The following ADGRB3 variants were observed in gnomAD, a reference collection of about 807,000 sequenced individuals.
The protein encoded by ADGRB3 is adhesion G protein-coupled receptor B3, also known as brain-specific angiogenesis inhibitor 3.
ADGRB3 carries 37 observed loss-of-function variants against 193.4 expected under a neutral mutation model. That is an observed-to-expected ratio of 0.19 (90% CI 0.15 to 0.25). The LOEUF is 0.25. Ranked by LOEUF, ADGRB3 falls within the 10% of genes least tolerant of loss-of-function variation. The pLI is 1.00. For missense variants in ADGRB3, 1,637 were observed against 1,852.9 expected (o/e 0.88, Z 2.14); for synonymous variants, 690 against 644.2 (o/e 1.07, Z -1.08).
At chr6:68,988,540 A>T (rs1049766800) in intron 10 of ADGRB3, among the ~76,000 whole-genome samples, 14 of 152,140 alleles carry the variant, frequency 9.2e-5, no homozygotes, top group African/African-American at 3.4e-4. Context: ...TTCTGCATAA[A>T]CTATAGGAAG....
chr6:69,351,695 T>C (rs1769229851), intron 26 of ADGRB3, among the ~76,000 whole-genome samples: 1 of 152,352 alleles, frequency 6.6e-6, no homozygotes, highest in Non-Finnish European at 1.5e-5. Flanking sequence ...GTGAAAGGTA[T>C]TGATTTTATA....
At position 68,858,243 on chromosome 6, in the gene ADGRB3, G is replaced by A. The variant is rs546270100; in HGVS notation, c.758-72316G>A. 5.9e-5 allele frequency among the ~76,000 whole-genome samples: 9 copies of A among 152,220 alleles called. No individual in the cohort carries two copies. In the East Asian group the frequency reaches 1.2e-3, roughly 20 times the overall value. On this transcript the variant is annotated intron_variant, in intron 3 of 31. Transcript: ENST00000370598. ...AACCTGGCCAGGCACTGTGGCTCAC[G>A]CCTGTAATCCCAGCACTTTGGGAGG...
chr6:69,189,517 A>C (rs1032849244), intron 17 of ADGRB3, among the ~76,000 whole-genome samples: 1 of 152,200 alleles, frequency 6.6e-6, no homozygotes, highest in Non-Finnish European at 1.5e-5. Flanking sequence ...TGAAATTATT[A>C]ATGTGACTAT....
At chr6:68,922,513 A>G (rs2150242816) in intron 3 of ADGRB3, among the ~76,000 whole-genome samples, 1 of 152,364 alleles carries the variant, frequency 6.6e-6, no homozygotes, top group East Asian at 1.9e-4. Context: ...ATGTGCACAC[A>G]TTCGTGTACA....
chr6:68,705,767 A>C (rs1037973899), intron 3 of ADGRB3, among the ~76,000 whole-genome samples: 1 of 152,238 alleles, frequency 6.6e-6, no homozygotes, highest in Non-Finnish European at 1.5e-5. Flanking sequence ...CTACTGCAAT[A>C]GTGGAAAAGA....
At chr6:69,301,510 T>C (rs1369322906) in intron 20 of ADGRB3, among the ~76,000 whole-genome samples, 4 of 151,908 alleles carry the variant, frequency 2.6e-5, no homozygotes, top group Non-Finnish European at 5.9e-5. Flanking sequence ...AAAAAGTGAT[T>C]TCTTATGGTT....
At chr6:69,124,689 G>T (rs1483346730) in intron 17 of ADGRB3, among the ~76,000 whole-genome samples, 1 of 151,982 alleles carries the variant, frequency 6.6e-6, no homozygotes, top group African/African-American at 2.4e-5. Flanking sequence ...AATTTCCAAG[G>T]ATATTTTCTA....
chr6:69,233,459 G>T, intron 18 of ADGRB3, 43 bp downstream of exon 18: 1 of 1,611,040 alleles, frequency 6.2e-7, no homozygotes, highest in Non-Finnish European at 8.5e-7. Context: ...CAAAGACAGG[G>T]ATATTGTGGC....
intron 3 of ADGRB3, among the ~76,000 whole-genome samples, chr6:68,702,329 T>C (rs963563504): frequency 1.3e-5 from 2 of 152,168 alleles, no homozygotes; most frequent in Non-Finnish European, 2.9e-5. Flanking sequence ...AAACCATTCA[T>C]GAGAAATCTG....
chr6:68,834,675 T>C (rs1768013573), intron 3 of ADGRB3, among the ~76,000 whole-genome samples: 1 of 152,104 alleles, frequency 6.6e-6, no homozygotes, highest in Non-Finnish European at 1.5e-5. Context: ...TTGAGTTAGT[T>C]TTGCTGGGTT....
At chr6:68,684,679 T>C (rs1263438936) in intron 3 of ADGRB3, among the ~76,000 whole-genome samples, 4 of 152,104 alleles carry the variant, frequency 2.6e-5, no homozygotes, top group Admixed American at 2.6e-4. Flanking sequence ...CTAATGTTAA[T>C]GTAGGGAAAA....
intron 3 of ADGRB3, among the ~76,000 whole-genome samples, chr6:68,924,139 A>T (rs1767117771): frequency 6.6e-6 from 1 of 152,068 alleles, no homozygotes; most frequent in African/African-American, 2.4e-5. Context: ...TAAGCAAACT[A>T]TTACTGCTGA....
chr6:68,685,119 CACAG>C (rs919249050), intron 3 of ADGRB3, among the ~76,000 whole-genome samples: 4 of 152,094 alleles, frequency 2.6e-5, no homozygotes, highest in East Asian at 3.9e-4. Flanking sequence ...TTGTACCATA[CACAG>C]ACAGAGGTAG....
chr6:69,376,952 C>A (rs979152406), intron 30 of ADGRB3, among the ~76,000 whole-genome samples: 6 of 151,864 alleles, frequency 4.0e-5, no homozygotes, highest in African/African-American at 1.5e-4. Context: ...GTTTTCAGAC[C>A]CTGCATCTAG....
chr6:68,943,877 A>G lies in ADGRB3; in HGVS notation c.1078A>G (p.Thr360Ala). The change falls in exon 6 of 32, where the codon ACA becomes GCA. Residue 360 changes from threonine (T) to alanine (A), a missense_variant. This residue lies in a region of ADGRB3 where 4 missense variants were observed against 19.3 expected (regional missense o/e 0.21). Transcript: ENST00000370598. ...GTCACCATGGAGTTTATGTTCATTTACATGTGGTCGAGGCCAAAGAACAAG... is the reference window on the plus strand; with the variant it reads ...GTCACCATGGAGTTTATGTTCATTTGCATGTGGTCGAGGCCAAAGAACAAG... ...EWSPWSLCSF[T>A]CGRGQRTRTR... 1 of 1,613,852 alleles carries G rather than the reference A, an allele frequency of 6.2e-7. No individual in the cohort carries two copies. The highest frequency in any genetic ancestry group is 8.5e-7 in the Non-Finnish European group (1 of 1,179,812).
chr6:69,382,023 T>C (rs1228548282), intron 30 of ADGRB3, among the ~76,000 whole-genome samples: 1 of 151,916 alleles, frequency 6.6e-6, no homozygotes, highest in South Asian at 2.1e-4. Context: ...AAATGATCTG[T>C]AATTGAACAA....
chr6:68,740,152 C>T (rs1289006056), intron 3 of ADGRB3, among the ~76,000 whole-genome samples: 1 of 152,110 alleles, frequency 6.6e-6, no homozygotes, highest in East Asian at 1.9e-4. Context: ...TAAAGAATTT[C>T]CTTTACACAA....
In ADGRB3 at chr6:69,252,629, A is replaced by G. The variant is rs1011556968; in HGVS notation, c.2814+13403A>G. Among the ~76,000 whole-genome samples the G allele has an allele frequency of 3.3e-5, 5 of 152,014 alleles. 1 individual carries two copies. Among genetic ancestry groups the G allele is most frequent in the Admixed American group, 3.3e-4 (5 of 15,254 alleles). On this transcript the variant is annotated intron_variant, in intron 20 of 31. Transcript: ENST00000370598. The stretch of plus-strand genomic sequence containing the variant: ...AAGTTTAGCACCTTTTCATGTCCTT[A>G]TAGGCCATTTTAAATCCTCTATTGT...
At chr6:69,101,102 C>A (rs1003070842) in intron 17 of ADGRB3, among the ~76,000 whole-genome samples, 9 of 151,804 alleles carry the variant, frequency 5.9e-5, no homozygotes, top group African/African-American at 1.7e-4. Context: ...TACATTTTCC[C>A]CAGATTAAGA....
Sources: allele counts gnomAD v4.1 joint callset (sites outside exome capture counted in the v4.1 genomes callset), GRCh38; gene constraint gnomAD v4.1.1; regional missense constraint gnomAD v4.1.1; transcripts MANE v1.5; gene names NCBI Gene and HGNC (gene_info 2026-07-23, HGNC 2026-07-21).